CLGN: variants seen among roughly 807,000 people sequenced by gnomAD.
CLGN encodes testis tissue sperm-binding protein Li 79P.
A neutral mutation model predicts 79.1 loss-of-function variants in CLGN; 62 were observed. The observed-to-expected ratio is 0.78, with a 90% CI of 0.64 to 0.97. CLGN has a LOEUF of 0.97. CLGN is among the 50% of genes least tolerant of loss of function. The pLI is 0.00. For synonymous variants in CLGN, 225 were observed against 224.7 expected, an observed-to-expected ratio of 1.00 and a Z score of -0.01; for missense variants, 647 against 715.5, an observed-to-expected ratio of 0.90 and a Z score of 1.09.
chr4:140,396,895 A>ATGTG (rs1728895251), intron 8 of CLGN, among the ~76,000 whole-genome samples: 1 of 69,756 alleles, frequency 1.4e-5, no homozygotes, highest in African/African-American at 4.8e-5. Context: ...ATATATGTAT[A>ATGTG]TATATATATA....
At chr4:140,397,459 T>A (rs1331043485) in intron 8 of CLGN, among the ~76,000 whole-genome samples, 2 of 119,418 alleles carry the variant, frequency 1.7e-5, no homozygotes, top group African/African-American at 7.2e-5. Flanking sequence ...TTTAGGGAGG[T>A]TTTTTTTTTT....
intron 4 of CLGN, among the ~76,000 whole-genome samples, chr4:140,407,947 C>T (rs1409994471): frequency 6.6e-6 from 1 of 151,702 alleles, no homozygotes; most frequent in Non-Finnish European, 1.5e-5. Flanking sequence ...CAGGGCCATA[C>T]TATCAAAACA....
chr4:140,397,225 T>C (rs1340724155), intron 8 of CLGN, among the ~76,000 whole-genome samples: 1 of 152,022 alleles, frequency 6.6e-6, no homozygotes, highest in Non-Finnish European at 1.5e-5. Flanking sequence ...AAGTACCTAT[T>C]TTCTCCTGTC....
rs113400497 is a variant in CLGN, at chr4:140,403,719, C to T, written c.420-1653G>A. ...TTGTTCCATTATGCCTAGATTCAAT[C>T]ACCTTGTCCATTTCTTATACTGCAA... On this transcript the variant is annotated intron_variant, in intron 5 of 14. Transcript: ENST00000325617. Among the ~76,000 whole-genome samples the T allele has an allele frequency of 5.3e-3, 806 of 152,308 alleles. 9 individuals are homozygous for T. The highest frequency in any genetic ancestry group is 0.017 in the African/African-American group (720 of 41,566).
chr4:140,423,342 G>A (rs1729505878), intron 1 of CLGN, among the ~76,000 whole-genome samples: 1 of 152,154 alleles, frequency 6.6e-6, no homozygotes, highest in Admixed American at 6.5e-5. Context: ...ATGGTACACT[G>A]ATTTTCTTAT....
At position 140,407,950 on chromosome 4, in the gene CLGN, T is replaced by A. The variant is rs12643190; in HGVS notation, c.278-1867A>T. ...CTTCAAATTATACAGGGCCATACTA[T>A]CAAAACAGCATGGTAATGGTCTCAG... On this transcript the variant is annotated intron_variant, in intron 4 of 14. Coordinates refer to ENST00000325617, the MANE Select transcript of CLGN (RefSeq NM_004362.3). Among the ~76,000 whole-genome samples, 69 of 151,708 alleles carry A rather than the reference T, an allele frequency of 4.5e-4. No homozygotes were observed. The East Asian group carries it at 0.012, about 27-fold the overall frequency.
At chr4:140,426,009 T>C (rs1399749018) in intron 1 of CLGN, among the ~76,000 whole-genome samples, 2 of 152,200 alleles carry the variant, frequency 1.3e-5, no homozygotes, top group South Asian at 2.1e-4. Context: ...TCTGCTGTTA[T>C]TCAGTTTTAA....
At chr4:140,413,886 GC>G (rs1729267307) in intron 1 of CLGN, among the ~76,000 whole-genome samples, 1 of 152,256 alleles carries the variant, frequency 6.6e-6, no homozygotes, top group Non-Finnish European at 1.5e-5. Context: ...GCCTCTGTAG[GC>G]TCCACCTCTG....
intron 1 of CLGN, 103 bp from the exon 2 acceptor site, chr4:140,413,190 T>C: frequency 1.2e-6 from 1 of 838,850 alleles, no homozygotes; most frequent in East Asian, 2.8e-5. Flanking sequence ...TCCTTTATTC[T>C]AGGATGGCTT....
chr4:140,405,170 T>A (rs1041163617), intron 5 of CLGN, among the ~76,000 whole-genome samples: 5 of 81,688 alleles, frequency 6.1e-5, no homozygotes, highest in Middle Eastern at 5.9e-3. Context: ...AGTAATTTTT[T>A]TTATTTTTAT....
intron 8 of CLGN, among the ~76,000 whole-genome samples, chr4:140,398,263 CT>C (rs1162212217): frequency 0.13 from 11,010 of 86,998 alleles, 165 homozygotes; most frequent in Non-Finnish European, 0.15. Context: ...CAAACATACT[CT>C]TTTTTTTTTT....
chr4:140,397,993 T>C (rs1351007616), intron 8 of CLGN, among the ~76,000 whole-genome samples: 2 of 152,174 alleles, frequency 1.3e-5, no homozygotes, highest in African/African-American at 4.8e-5. Flanking sequence ...TTTTCATCAT[T>C]ACAGAAAGAT....
At chr4:140,405,195 T>A (rs1337632907) in intron 5 of CLGN, among the ~76,000 whole-genome samples, 3 of 147,614 alleles carry the variant, frequency 2.0e-5, no homozygotes, top group African/African-American at 7.4e-5. Flanking sequence ...TTTTTTATTT[T>A]TTTTTTTGAG....
intron 6 of CLGN, among the ~76,000 whole-genome samples, chr4:140,401,401 T>C (rs1360912849): frequency 1.3e-5 from 2 of 152,120 alleles, no homozygotes; most frequent in African/African-American, 2.4e-5. Flanking sequence ...TACAGCTAAG[T>C]GTTCTGAAAA....
intron 5 of CLGN, among the ~76,000 whole-genome samples, chr4:140,403,188 C>T (rs898496137): frequency 6.6e-6 from 1 of 152,086 alleles, no homozygotes; most frequent in African/African-American, 2.4e-5. Context: ...TCAAAATGAC[C>T]TGAGAGTTAT....
At chr4:140,391,683 G>A (rs532710127) in intron 13 of CLGN, among the ~76,000 whole-genome samples, 1 of 151,938 alleles carries the variant, frequency 6.6e-6, no homozygotes, top group Non-Finnish European at 1.5e-5. Flanking sequence ...CCACCAAAGG[G>A]TGACTTCAGT....
In CLGN at chr4:140,399,644, G is replaced by A. The variant is rs557746872; in HGVS notation, c.695-604C>T. On this transcript the variant is annotated intron_variant, in intron 7 of 14. Coordinates refer to ENST00000325617, the MANE Select transcript of CLGN (RefSeq NM_004362.3). ...CTTTAATCTTGGGTGGAGTTGAGAC[G>A]TGAGAAAGGAAGCCAATAGGGCCAT... is the stretch of plus-strand genomic sequence containing the variant. Among the ~76,000 whole-genome samples, 84 of 152,290 alleles carry A rather than the reference G, an allele frequency of 5.5e-4. 2 individuals carry two copies. In the South Asian group the frequency reaches 0.016, roughly 28 times the overall value.
intron 2 of CLGN, 81 bp from the exon 3 acceptor site, chr4:140,410,707 A>T: frequency 3.5e-6 from 3 of 863,808 alleles, no homozygotes; most frequent in Non-Finnish European, 5.7e-6. Flanking sequence ...TGAAGAACAT[A>T]GTATGTAATG....
rs72939851 is a variant in CLGN at position 140,399,530 on chromosome 4, A to G, written c.695-490T>C. 7.7e-3 allele frequency among the ~76,000 whole-genome samples: 1,171 copies of G among 152,350 alleles called. 10 individuals carry two copies. The highest frequency in any genetic ancestry group is 0.026 in the African/African-American group (1,070 of 41,582). ...TTCATAAAGATATTTATTATATCACATCTGATATTGAAGATGAAATGGGCA... is the reference window on the plus strand; with the variant it reads ...TTCATAAAGATATTTATTATATCACGTCTGATATTGAAGATGAAATGGGCA... On this transcript the variant is annotated intron_variant, in intron 7 of 14. Coordinates refer to ENST00000325617, the MANE Select transcript of CLGN (RefSeq NM_004362.3).
Sources: allele counts gnomAD v4.1 joint callset (sites outside exome capture counted in the v4.1 genomes callset), GRCh38; gene constraint gnomAD v4.1.1; transcripts MANE v1.5; gene names NCBI Gene and HGNC (gene_info 2026-07-23, HGNC 2026-07-21).